Variants in TBPL2 observed in about 807,000 individuals in gnomAD.
TBPL2 encodes TATA box-binding protein-like 2.
In TBPL2, 40 loss-of-function variants were observed where a neutral mutation model predicts 38.2. That is an observed-to-expected ratio of 1.05 (90% CI 0.81 to 1.36). The LOEUF is 1.36. Among genes scored for constraint, TBPL2 ranks in the 40% most tolerant of loss-of-function variants. The pLI is 0.00. For missense variants in TBPL2, 461 were observed against 456.7 expected, an observed-to-expected ratio of 1.01 and a Z score of -0.09; for synonymous variants, 169 against 171.7, an observed-to-expected ratio of 0.98 and a Z score of 0.12.
chr14:55,440,489 G>A (rs370270149), exon 1 of TBPL2: 1 of 1,612,666 alleles, frequency 6.2e-7, no homozygotes, highest in Non-Finnish European at 8.5e-7. Flanking sequence ...GCGGGTAAGA[G>A]GGTAAGCGCG....
At chr14:55,434,303 A>G (rs555971621) in intron 3 of TBPL2, among the ~76,000 whole-genome samples, 1 of 152,212 alleles carries the variant, frequency 6.6e-6, no homozygotes, top group Non-Finnish European at 1.5e-5. Context: ...GTCATTCAAG[A>G]CCAGCAGCAT....
rs567536367 is a variant in TBPL2 at position 55,434,234 on chromosome 14, C to G, written c.697-513G>C. 1.3e-5 allele frequency among the ~76,000 whole-genome samples: 2 copies of G among 152,138 alleles called. 1 individual carries two copies. The highest frequency in any genetic ancestry group is 2.9e-5 in the Non-Finnish European group (2 of 68,020). On this transcript the variant is annotated intron_variant, in intron 3 of 6. Transcript: ENST00000247219. ...CAGAAGAGTCTGTATGATAGGCATG[C>G]TAAAGATGAATGACAGAAAGTTGAT...
chr14:55,420,665 G>C (rs939437838), intron 6 of TBPL2, among the ~76,000 whole-genome samples: 6 of 152,162 alleles, frequency 3.9e-5, no homozygotes, highest in Admixed American at 1.3e-4. Flanking sequence ...TGTATACTTA[G>C]AAATTTTAAG....
exon 7 of TBPL2, chr14:55,414,261 C>G: frequency 1.3e-6 from 1 of 760,044 alleles, no homozygotes; most frequent in Non-Finnish European, 2.1e-6. Context: ...CAGAGTCGCC[C>G]TTTAATAAGT....
intron 6 of TBPL2, among the ~76,000 whole-genome samples, chr14:55,415,830 C>T (rs111711017): frequency 0.056 from 8,583 of 152,224 alleles, 321 homozygotes; most frequent in South Asian, 0.083. Context: ...CGCACCATTA[C>T]ACTCCAGCCT....
At chr14:55,436,305 A>T (rs1473862968) in intron 2 of TBPL2, among the ~76,000 whole-genome samples, 2 of 152,244 alleles carry the variant, frequency 1.3e-5, no homozygotes, top group African/African-American at 4.8e-5. Context: ...GCTGTAGTAT[A>T]AACAATACAA....
chr14:55,416,466 GA>G (rs1228516575), intron 6 of TBPL2, among the ~76,000 whole-genome samples: 1 of 152,114 alleles, frequency 6.6e-6, no homozygotes, highest in Non-Finnish European at 1.5e-5. Flanking sequence ...AAAAAATAAA[GA>G]GAAGAAAAGT....
In TBPL2 at chr14:55,437,083, G is replaced by A. The variant is rs1024455200; in HGVS notation, c.151-65C>T. ...ACAGAACAGCATGTTACACAAAAGG[G>A]ATGTCACTATGGCAGGCAGGCAGGC... is the stretch of plus-strand genomic sequence containing the variant. On this transcript the variant is annotated intron_variant, in intron 1 of 6. Coordinates refer to ENST00000247219, the Ensembl canonical transcript of TBPL2. 2.1e-6 allele frequency: 3 copies of A among 1,430,132 alleles called. No homozygotes were observed. The South Asian group carries it at 3.5e-5, about 17-fold the overall frequency. 88.6% of individuals were successfully genotyped at this position (1,430,132 alleles called of 1,614,324 possible).
At chr14:55,437,727 G>T (rs1026214339) in intron 1 of TBPL2, among the ~76,000 whole-genome samples, 1 of 152,136 alleles carries the variant, frequency 6.6e-6, no homozygotes, top group African/African-American at 2.4e-5. Flanking sequence ...ACTTTACTTT[G>T]AAATAATTTT....
chr14:55,432,815 G>A (rs1415828560), intron 4 of TBPL2, among the ~76,000 whole-genome samples: 3 of 152,172 alleles, frequency 2.0e-5, no homozygotes, highest in Admixed American at 1.3e-4. Flanking sequence ...TGCCACTACA[G>A]AGTTATGGTG....
chr14:55,435,401 G>A (rs1180868815), intron 3 of TBPL2, among the ~76,000 whole-genome samples: 1 of 150,976 alleles, frequency 6.6e-6, no homozygotes, highest in Admixed American at 6.6e-5. Context: ...TCAACCTCCT[G>A]AGTAGCTGGG....
intron 4 of TBPL2, among the ~76,000 whole-genome samples, chr14:55,432,911 A>AGCTAAT: frequency 1.3e-5 from 2 of 152,338 alleles, no homozygotes; most frequent in Non-Finnish European, 2.9e-5. Context: ...AGCTAATGCA[A>AGCTAAT]GCTAATGCTC....
At chr14:55,421,814 A>G (rs541272694) in intron 6 of TBPL2, among the ~76,000 whole-genome samples, 18 of 152,318 alleles carry the variant, frequency 1.2e-4, no homozygotes, top group African/African-American at 3.6e-4. Flanking sequence ...AAAGCAAACT[A>G]TACAACTCAG....
chr14:55,418,580 T>A (rs540431992), intron 6 of TBPL2, among the ~76,000 whole-genome samples: 1 of 152,238 alleles, frequency 6.6e-6, no homozygotes, highest in African/African-American at 2.4e-5. Context: ...GTCGTGTCTC[T>A]GGCCCACTCA....
chr14:55,439,407 G>A (rs1018701873), intron 1 of TBPL2, among the ~76,000 whole-genome samples: 2 of 152,096 alleles, frequency 1.3e-5, no homozygotes, highest in South Asian at 4.2e-4. Flanking sequence ...GGGGACAGGG[G>A]CTCTCTGTTT....
At chr14:55,425,748 A>G (rs1335273808) in intron 5 of TBPL2, among the ~76,000 whole-genome samples, 5 of 152,108 alleles carry the variant, frequency 3.3e-5, no homozygotes, top group African/African-American at 1.2e-4. Context: ...TACATTAAAG[A>G]CCCTGCTTTA....
Position 55,426,386 on chromosome 14 carries a change from G to T in TBPL2, c.957-2133C>A, listed in dbSNP as rs72717777. 7.0e-3 allele frequency among the ~76,000 whole-genome samples: 1,059 copies of T among 152,282 alleles called. 6 individuals carry two copies. The highest frequency in any genetic ancestry group is 0.02 in the Middle Eastern group (6 of 294). On this transcript the variant is annotated intron_variant, in intron 5 of 6. Coordinates refer to ENST00000247219, the Ensembl canonical transcript of TBPL2. ...TGCCTGGTAACAAAAGGAGATACTTGTATTATTAAATGTTGACATACAAAT... is the reference window on the plus strand; with the variant it reads ...TGCCTGGTAACAAAAGGAGATACTTTTATTATTAAATGTTGACATACAAAT...
intron 6 of TBPL2, among the ~76,000 whole-genome samples, chr14:55,416,140 G>A (rs1164125500): frequency 6.6e-6 from 1 of 152,178 alleles, no homozygotes; most frequent in Non-Finnish European, 1.5e-5. Context: ...TGGAGCAATA[G>A]AAATGTTTTA....
intron 5 of TBPL2, among the ~76,000 whole-genome samples, chr14:55,425,502 A>G (rs1206981913): frequency 6.6e-6 from 1 of 152,232 alleles, no homozygotes; most frequent in Non-Finnish European, 1.5e-5. Context: ...TACCAGTATA[A>G]TGTGCTCCCA....
Sources: gnomAD v4.1 joint callset for allele counts (sites outside exome capture counted in the v4.1 genomes callset) on GRCh38, gnomAD v4.1.1 for gene constraint, MANE v1.5 for transcripts, NCBI Gene and HGNC (gene_info 2026-07-23, HGNC 2026-07-21) for gene names.